ME3: variants seen among roughly 807,000 people sequenced by gnomAD.
ME3 encodes NADP-dependent malic enzyme, mitochondrial.
A neutral mutation model predicts 68.9 loss-of-function variants in ME3; 48 were observed. The ratio of observed to expected loss-of-function variants is 0.70; its 90% CI spans 0.55 to 0.89. The LOEUF (loss-of-function observed/expected upper bound fraction) is 0.89, where lower values mean the gene tolerates loss of function less well. Ranked by LOEUF, ME3 falls within the 40% of genes least tolerant of loss-of-function variation. The pLI is 0.00. For missense variants in ME3, 675 were observed against 797.4 expected (o/e 0.85, Z 1.85); for synonymous variants, 320 against 318.8 (o/e 1.00, Z -0.04).
rs368375410 is a variant in ME3 at position 86,453,199 on chromosome 11, C to T, written c.920-2801G>A. 9.2e-5 allele frequency among the ~76,000 whole-genome samples: 14 copies of T among 152,166 alleles called. No homozygotes were observed. In the East Asian group the frequency reaches 2.7e-3, roughly 29 times the overall value. The stretch of plus-strand genomic sequence containing the variant: ...ATTTTTAGTAGAGACAACGTTTTGG[C>T]GTGTTGGCCAGGCTGGTCTCGAACT... On this transcript the variant is annotated intron_variant, in intron 8 of 14. Coordinates refer to ENST00000543262, the Ensembl canonical transcript of ME3.
intron 2 of ME3, among the ~76,000 whole-genome samples, chr11:86,560,542 C>T (rs894263806): frequency 4.6e-4 from 70 of 151,908 alleles, no homozygotes; most frequent in African/African-American, 1.7e-3. Context: ...CCCCCTCAGC[C>T]AGTGTCCCGA....
intron 4 of ME3, among the ~76,000 whole-genome samples, chr11:86,554,936 G>A (rs1031622569): frequency 2.0e-5 from 3 of 152,180 alleles, no homozygotes; most frequent in Non-Finnish European, 4.4e-5. Flanking sequence ...TGGGATAGAC[G>A]AAGTATGTGT....
intron 8 of ME3, among the ~76,000 whole-genome samples, chr11:86,457,910 T>G (rs1950030071): frequency 6.6e-6 from 1 of 152,218 alleles, no homozygotes; most frequent in Non-Finnish European, 1.5e-5. Flanking sequence ...AATAGTCAGA[T>G]TTGACAAAGT....
intron 2 of ME3, among the ~76,000 whole-genome samples, chr11:86,588,083 A>G (rs567322772): frequency 8.5e-5 from 13 of 152,350 alleles, no homozygotes; most frequent in Admixed American, 8.5e-4. Flanking sequence ...TATTAATTGT[A>G]TGCCTTACTA....
At chr11:86,501,082 C>T (rs1952692975) in intron 5 of ME3, among the ~76,000 whole-genome samples, 1 of 151,822 alleles carries the variant, frequency 6.6e-6, no homozygotes, top group Non-Finnish European at 1.5e-5. Context: ...AGTCTGATAA[C>T]CAGTTTTTGA....
intron 2 of ME3, among the ~76,000 whole-genome samples, chr11:86,597,049 G>T (rs1042666841): frequency 6.6e-6 from 1 of 152,238 alleles, no homozygotes; most frequent in Non-Finnish European, 1.5e-5. Context: ...TAGACAGATG[G>T]CACAGGCAGA....
chr11:86,633,386 A>G (rs1482374526), intron 2 of ME3, among the ~76,000 whole-genome samples: 2 of 152,226 alleles, frequency 1.3e-5, no homozygotes, highest in East Asian at 1.9e-4. Context: ...ACATGCTTAC[A>G]TAATTGGTCC....
intron 6 of ME3, among the ~76,000 whole-genome samples, chr11:86,493,891 T>C (rs1311396672): frequency 6.6e-6 from 1 of 152,102 alleles, no homozygotes; most frequent in Non-Finnish European, 1.5e-5. Flanking sequence ...ATGGTCAAGT[T>C]ATTCTGACAT....
At chr11:86,671,154 CTT>C (rs904254514) in intron 2 of ME3, among the ~76,000 whole-genome samples, 13 of 152,286 alleles carry the variant, frequency 8.5e-5, no homozygotes, top group African/African-American at 2.6e-4. Context: ...GGCAAGTTTC[CTT>C]TGTCTTGTTT....
intron 2 of ME3, among the ~76,000 whole-genome samples, chr11:86,638,983 G>C (rs1362786965): frequency 6.6e-6 from 1 of 152,152 alleles, no homozygotes; most frequent in East Asian, 1.9e-4. Context: ...TATCTCTAGA[G>C]AATGTTAGAT....
At chr11:86,449,826 C>G (rs1276782189) in intron 10 of ME3, 63 bp downstream of exon 10, 1 of 1,250,610 alleles carries the variant, frequency 8.0e-7, no homozygotes, top group African/African-American at 1.5e-5. Context: ...GAGACCTCTT[C>G]CAGTCCAGTT....
At chr11:86,451,133 A>G (rs1949612133) in intron 8 of ME3, among the ~76,000 whole-genome samples, 1 of 152,268 alleles carries the variant, frequency 6.6e-6, no homozygotes, top group African/African-American at 2.4e-5. Flanking sequence ...AGGACAGTGG[A>G]CATGACTTCA....
At chr11:86,646,263 G>T (rs1275615957) in intron 2 of ME3, among the ~76,000 whole-genome samples, 1 of 152,278 alleles carries the variant, frequency 6.6e-6, no homozygotes, top group East Asian at 1.9e-4. Context: ...CAAGCTAAAG[G>T]AGCATATGCT....
At chr11:86,591,792 G>T (rs181246349) in intron 2 of ME3, among the ~76,000 whole-genome samples, 1 of 152,036 alleles carries the variant, frequency 6.6e-6, no homozygotes, top group Non-Finnish European at 1.5e-5. Flanking sequence ...ATCAGATCTC[G>T]TGAGACTTAT....
intron 2 of ME3, among the ~76,000 whole-genome samples, chr11:86,608,905 G>A (rs1290061854): frequency 2.0e-5 from 3 of 152,036 alleles, no homozygotes; most frequent in African/African-American, 4.8e-5. Context: ...TTCTAAAAAG[G>A]CACGTATTTT....
chr11:86,446,976 T>G, intron 12 of ME3, 89 bp downstream of exon 12: 1 of 1,475,466 alleles, frequency 6.8e-7, no homozygotes, highest in Non-Finnish European at 9.2e-7. Context: ...TCATCAGCGA[T>G]GTAGGAGTAT....
At chr11:86,438,930 G>A (rs1206681649), downstream of ME3, among the ~76,000 whole-genome samples, 2 of 152,172 alleles carry the variant, frequency 1.3e-5, no homozygotes, top group Non-Finnish European at 2.9e-5. Context: ...GATCTACAGG[G>A]TGAGTCAGCA....
At chr11:86,574,402 G>GGC (rs1554986051) in intron 2 of ME3, among the ~76,000 whole-genome samples, 4 of 89,524 alleles carry the variant, frequency 4.5e-5, no homozygotes, top group African/African-American at 1.3e-4. Context: ...GTTGCCGGGG[G>GGC]GGGGGGGGGT....
chr11:86,471,138 GA>G (rs1388879993), intron 7 of ME3, among the ~76,000 whole-genome samples: 1 of 128,200 alleles, frequency 7.8e-6, no homozygotes, highest in Non-Finnish European at 1.6e-5. Flanking sequence ...GTAAGGCCCA[GA>G]GCTTTTTTTT....
Sources: gnomAD v4.1 joint callset for allele counts (sites outside exome capture counted in the v4.1 genomes callset) on GRCh38, gnomAD v4.1.1 for gene constraint, MANE v1.5 for transcripts, NCBI Gene and HGNC (gene_info 2026-07-23, HGNC 2026-07-21) for gene names.